MED15: variants seen among roughly 807,000 people sequenced by gnomAD.
MED15 encodes mediator complex subunit 15.
Under a neutral mutation model 118.7 loss-of-function variants are expected in MED15, and 41 were observed. That is an observed-to-expected ratio of 0.35 (90% CI 0.27 to 0.45). MED15 has a LOEUF of 0.45. Ranked by LOEUF, MED15 falls within the 20% of genes least tolerant of loss-of-function variation. MED15 has a pLI of 1.00. For missense variants in MED15, 740 were observed against 1,025.5 expected, an observed-to-expected ratio of 0.72 and a Z score of 3.80; for synonymous variants, 436 against 413.9, an observed-to-expected ratio of 1.05 and a Z score of -0.65.
At chr22:20,513,247 CCACTTGTTA>C (rs1271291150) in intron 1 of MED15, among the ~76,000 whole-genome samples, 2 of 151,388 alleles carry the variant, frequency 1.3e-5, no homozygotes, top group African/African-American at 4.8e-5. Context: ...CCTGCTTTCT[CCACTTGTTA>C]CACTTGTTAG....
chr22:20,554,790 G>T, intron 4 of MED15, 146 bp from the exon 5 acceptor site: 1 of 749,428 alleles, frequency 1.3e-6, no homozygotes, highest in Admixed American at 2.8e-5. Flanking sequence ...GGAGTCTCCA[G>T]GAGCCTAGTC....
chr22:20,514,323 C>A (rs2054179677), intron 1 of MED15, among the ~76,000 whole-genome samples: 1 of 152,156 alleles, frequency 6.6e-6, no homozygotes, highest in African/African-American at 2.4e-5. Context: ...TCTCAGAGAA[C>A]AAGAGTGCAT....
In MED15 at chr22:20,566,685, A is replaced by G. The variant is rs1601601367; in HGVS notation, c.909A>G (p.Pro303=). ...MHHTQHHQPP[P]QPQQPPVAQN... is the part of the protein sequence containing the mutation. Reference sequence around the variant, plus strand: ...ACACACAGCACCACCAGCCGCCACCACAGCCCCAGCAGCCTCCAGTTGCTC... The same window carrying G: ...ACACACAGCACCACCAGCCGCCACCGCAGCCCCAGCAGCCTCCAGTTGCTC... Residue 303 remains proline (P), a synonymous_variant, in exon 7 of 18, where the codon CCA becomes CCG. Coordinates refer to ENST00000263205, the MANE Select transcript of MED15 (RefSeq NM_001003891.3). 6.2e-7 allele frequency: 1 copy of G among 1,614,086 alleles called. No individual in the cohort carries two copies. The highest frequency in any genetic ancestry group is 2.2e-5 in the East Asian group (1 of 44,884).
At chr22:20,583,584 A>T (rs1283550505) in intron 13 of MED15, 191 bp downstream of exon 13, 1 of 658,714 alleles carries the variant, frequency 1.5e-6, no homozygotes, top group East Asian at 2.8e-5. Flanking sequence ...GCCCATGCCC[A>T]GCCTTTGCCC....
intron 1 of MED15, among the ~76,000 whole-genome samples, chr22:20,531,652 C>G (rs969844356): frequency 3.9e-5 from 6 of 152,246 alleles, no homozygotes; most frequent in Non-Finnish European, 7.3e-5. Flanking sequence ...CACGTCGTGT[C>G]CCATCAAAAT....
chr22:20,572,625 T>TA (rs2056699972), intron 8 of MED15, among the ~76,000 whole-genome samples: 1 of 126,046 alleles, frequency 7.9e-6, no homozygotes, highest in Non-Finnish European at 1.7e-5. Flanking sequence ...TTCTCCCCTA[T>TA]AAAACCAAGA....
In MED15 at chr22:20,512,083, G is replaced by A. The variant is rs555278853; in HGVS notation, c.68+4337G>A. Among the ~76,000 whole-genome samples, 8 of 145,862 alleles carry A rather than the reference G, an allele frequency of 5.5e-5. No homozygotes were observed. In the South Asian group the frequency reaches 1.7e-3, roughly 31 times the overall value. ...AGCTCACTGCAGCCTTGACCTCCCA[G>A]GGTCAAACGATCCTCCCACTGTAGC... is the stretch of plus-strand genomic sequence containing the variant. On this transcript the variant is annotated intron_variant, in intron 1 of 17. Coordinates refer to ENST00000263205, the MANE Select transcript of MED15 (RefSeq NM_001003891.3).
intron 4 of MED15, among the ~76,000 whole-genome samples, 176 bp downstream of exon 4, chr22:20,553,350 G>A (rs1165154195): frequency 3.3e-5 from 5 of 151,878 alleles, no homozygotes; most frequent in Admixed American, 2.6e-4. Flanking sequence ...TCCAGCCTTC[G>A]TCTTCCTGCA....
At chr22:20,563,817 G>C (rs2056330311) in intron 5 of MED15, among the ~76,000 whole-genome samples, 1 of 152,200 alleles carries the variant, frequency 6.6e-6, no homozygotes, top group African/African-American at 2.4e-5. Context: ...CCACTCGGTA[G>C]GTTTTAGTGT....
At chr22:20,524,139 A>C (rs1462532340) in intron 1 of MED15, 1 of 152,314 alleles carries the variant, frequency 6.6e-6, no homozygotes, top group Non-Finnish European at 1.5e-5. Context: ...AAAAAGTTAC[A>C]GTTTGTTTGG....
chr22:20,517,106 T>A (rs112315460), intron 1 of MED15, among the ~76,000 whole-genome samples: 1,884 of 151,668 alleles, frequency 0.012, 51 homozygotes, highest in African/African-American at 0.042. Context: ...TTTTCTTATT[T>A]TTTTTTTTTT....
intron 1 of MED15, chr22:20,522,886 A>G (rs1247365432): frequency 2.0e-5 from 3 of 152,274 alleles, no homozygotes; most frequent in African/African-American, 7.2e-5. Flanking sequence ...AGACTGTGGG[A>G]TGAGAGGATG....
intron 9 of MED15, chr22:20,582,404 C>T (rs1056717181): frequency 1.0e-5 from 8 of 764,320 alleles, no homozygotes; most frequent in Admixed American, 5.7e-5. Context: ...CTGCCTGGGC[C>T]CCCCCCGCCA....
chr22:20,570,614 C>A (rs2056611098), intron 8 of MED15, among the ~76,000 whole-genome samples: 2 of 151,406 alleles, frequency 1.3e-5, no homozygotes, highest in South Asian at 4.2e-4. Context: ...CTGGTTCGAA[C>A]TCCTGACCTC....
Position 20,582,687 on chromosome 22 carries a change from C to T in MED15, c.1349C>T (p.Pro450Leu), listed in dbSNP as rs946424959. 1 of 1,597,708 alleles carries T rather than the reference C, an allele frequency of 6.3e-7. No homozygotes were observed. The highest frequency in any genetic ancestry group is 1.3e-5 in the African/African-American group (1 of 74,922). Residue 450 changes from proline to leucine, a missense_variant, in exon 10 of 18, where the codon CCT (proline) becomes CTT (leucine). Pro to Leu is a moderately conservative substitution (Grantham distance 98, BLOSUM62 -3). Around this residue, in one of 7 missense-constraint regions of MED15, gnomAD observed 384 missense variants for 506.3 expected, o/e 0.76. Transcript: ENST00000263205. ...GTGCAGACCCCGCAGTCGATGCCCC[C>T]TCCCCCCCAGCCGTCCCCGCAGCCC... ...QQVQTPQSMPPPPQPSPQPGQ... is the reference protein window; with the variant it reads ...QQVQTPQSMPLPPQPSPQPGQ...
intron 9 of MED15, chr22:20,582,410 C>G (rs1601644234): frequency 8.7e-6 from 7 of 804,244 alleles, no homozygotes; most frequent in East Asian, 3.0e-5. Context: ...GGGCCCCCCC[C>G]GCCAGCCCCT....
chr22:20,533,959 TG>T (rs1378410244), intron 1 of MED15, among the ~76,000 whole-genome samples: 1 of 152,132 alleles, frequency 6.6e-6, no homozygotes, highest in Non-Finnish European at 1.5e-5. Context: ...ACCAAGACAG[TG>T]TCTGTCTGGG....
At chr22:20,514,385 G>T (rs776871854) in intron 1 of MED15, among the ~76,000 whole-genome samples, 6 of 152,178 alleles carry the variant, frequency 3.9e-5, no homozygotes, top group Non-Finnish European at 8.8e-5. Flanking sequence ...AAATATTTAA[G>T]CTGTGAATGA....
At chr22:20,519,952 C>G (rs2054389487) in intron 1 of MED15, among the ~76,000 whole-genome samples, 1 of 152,106 alleles carries the variant, frequency 6.6e-6, no homozygotes, top group Admixed American at 6.5e-5. Flanking sequence ...TTTTTTTTAA[C>G]TAGCCCTTCT....
Sources: allele counts gnomAD v4.1 joint callset (sites outside exome capture counted in the v4.1 genomes callset), GRCh38; gene constraint gnomAD v4.1.1; regional missense constraint gnomAD v4.1.1; transcripts MANE v1.5; gene names NCBI Gene and HGNC (gene_info 2026-07-23, HGNC 2026-07-21).